Variants in WAC observed in about 807,000 individuals in gnomAD.
WAC encodes WW domain containing adaptor with coiled-coil.
In WAC, 11 loss-of-function variants were observed where a neutral mutation model predicts 79.6. The ratio of observed to expected loss-of-function variants is 0.14; its 90% confidence interval spans 0.09 to 0.23. The LOEUF (loss-of-function observed/expected upper bound fraction) is 0.23, where lower values mean the gene tolerates loss of function less well. Ranked by LOEUF, WAC falls within the 10% of genes least tolerant of loss-of-function variation. The probability of loss-of-function intolerance (pLI) is 1.00; values close to 1 mark genes in which losing one functional copy is unlikely to be tolerated. For missense variants in WAC, 728 were observed against 773.5 expected (o/e 0.94, Z 0.70); for synonymous variants, 304 against 276.9 (o/e 1.10, Z -0.97).
chr10:28,534,191 C>T lies in WAC; in HGVS notation c.78+157C>T, dbSNP rs763680832. The T allele has an allele frequency of 5.7e-5, 38 of 667,032 alleles. No homozygotes were observed. The South Asian group carries it at 7.3e-4, about 13-fold the overall frequency. The allele number at this position is 667,032 out of a possible 1,614,324, so 41.3% of individuals were successfully genotyped here. On this transcript the variant is annotated intron_variant, in intron 2 of 13. Transcript: ENST00000354911. ...TCCCCTTAAAATTCCAGGTTTGGTT[C>T]CTTTAGCGCTCTCCAGCAAGGTTTA...
chr10:28,532,819 G>C (rs1589108196), upstream of WAC: 1 of 152,982 alleles, frequency 6.5e-6, no homozygotes, highest in Non-Finnish European at 1.5e-5. Flanking sequence ...GTCCTCTTCC[G>C]GAAGGCGGCT....
At chr10:28,561,523 G>C (rs907616887) in intron 3 of WAC, among the ~76,000 whole-genome samples, 2 of 151,790 alleles carry the variant, frequency 1.3e-5, no homozygotes, top group African/African-American at 4.8e-5. Flanking sequence ...TGGCATAAAC[G>C]ATTTACATTA....
In WAC at chr10:28,590,713, T is replaced by A; in HGVS notation, c.498-7T>A. On this transcript the variant is annotated splice_polypyrimidine_tract_variant and splice_region_variant and intron_variant, in intron 5 of 13. Coordinates refer to ENST00000354911, the MANE Select transcript of WAC (RefSeq NM_016628.5). ...TTTTATATGTTTATCTTTTTTTTTA[T>A]TTTTAGAGAACAGAGACAAAAAGAA... The A allele has an allele frequency of 6.3e-7, 1 of 1,577,212 alleles. No homozygotes were observed. Among genetic ancestry groups the A allele is most frequent in the Non-Finnish European group, 8.6e-7 (1 of 1,163,366 alleles).
chr10:28,619,453 TAA>T, intron 13 of WAC, 82 bp from the exon 14 acceptor site: 1 of 1,030,172 alleles, frequency 9.7e-7, no homozygotes, highest in Non-Finnish European at 1.4e-6. Flanking sequence ...TGTTTTAATT[TAA>T]AAAATTTTAA....
intron 4 of WAC, 37 bp downstream of exon 4, chr10:28,583,542 GA>G (rs1437767288): frequency 9.1e-7 from 1 of 1,103,712 alleles, no homozygotes; most frequent in Non-Finnish European, 1.2e-6. Flanking sequence ...GGTTTCTTTG[GA>G]ATTTTTTGCA....
chr10:28,561,647 C>T (rs776692143), intron 3 of WAC, among the ~76,000 whole-genome samples: 1 of 151,964 alleles, frequency 6.6e-6, no homozygotes, highest in Non-Finnish European at 1.5e-5. Flanking sequence ...TTTTGAAACC[C>T]CGGCGTCTTT....
intron 3 of WAC, among the ~76,000 whole-genome samples, chr10:28,561,827 C>T (rs1838314273): frequency 6.6e-6 from 1 of 152,142 alleles, no homozygotes; most frequent in Non-Finnish European, 1.5e-5. Flanking sequence ...GTGAACTGTG[C>T]ATGCGAGGAA....
chr10:28,585,081 A>C (rs1177484641), intron 4 of WAC, among the ~76,000 whole-genome samples: 1 of 152,112 alleles, frequency 6.6e-6, no homozygotes, highest in Non-Finnish European at 1.5e-5. Flanking sequence ...AGAAAAGAAA[A>C]TCATGTTAAT....
At chr10:28,572,337 CAAAAA>C (rs535940157) in intron 3 of WAC, among the ~76,000 whole-genome samples, 1 of 86,862 alleles carries the variant, frequency 1.2e-5, no homozygotes. Flanking sequence ...ACTCTGTCTC[CAAAAA>C]AAAAAAAAAA....
rs1057285609 is a variant in WAC, at chr10:28,621,870, T to C, written c.*2264T>C. The C allele has an allele frequency of 1.3e-5, 2 of 152,224 alleles. No individual in the cohort carries two copies. The highest frequency in any genetic ancestry group is 3.8e-4 in the East Asian group (2 of 5,200). 9.4% of individuals were successfully genotyped at this position (152,224 alleles called of 1,614,324 possible). A position where few individuals can be genotyped will look rare whatever the true frequency, so the allele number is the denominator to read the frequency against. On this transcript the variant is annotated 3_prime_UTR_variant, in exon 14 of 14. Coordinates refer to ENST00000354911, the MANE Select transcript of WAC (RefSeq NM_016628.5). ...GAGAAGATGCCTAATTTGGTATTTC[T>C]TAATAGTGAATTTTTTTTTTTCTTG...
intron 9 of WAC, 184 bp from the exon 10 acceptor site, chr10:28,611,590 C>CT: frequency 8.1e-7 from 1 of 1,239,070 alleles, no homozygotes; most frequent in South Asian, 1.6e-5. Flanking sequence ...ACACAGCTCA[C>CT]TTAGTCAGTG....
intron 3 of WAC, among the ~76,000 whole-genome samples, chr10:28,559,042 C>A (rs1332404462): frequency 6.6e-6 from 1 of 151,684 alleles, no homozygotes; most frequent in Non-Finnish European, 1.5e-5. Flanking sequence ...AGACACTTAA[C>A]GTAGTACGTA....
chr10:28,560,293 A>G (rs981676350), intron 3 of WAC, among the ~76,000 whole-genome samples: 1 of 152,160 alleles, frequency 6.6e-6, no homozygotes, highest in African/African-American at 2.4e-5. Flanking sequence ...GCTTGAGACT[A>G]GGAGGTCTAG....
intron 3 of WAC, among the ~76,000 whole-genome samples, chr10:28,571,197 T>C (rs1381222340): frequency 2.6e-5 from 4 of 152,136 alleles, no homozygotes; most frequent in Non-Finnish European, 2.9e-5. Flanking sequence ...CCCAGAGTGC[T>C]GGAATTACAG....
chr10:28,586,526 T>C (rs1392513570), intron 4 of WAC, among the ~76,000 whole-genome samples: 3 of 151,496 alleles, frequency 2.0e-5, no homozygotes, highest in African/African-American at 7.3e-5. Flanking sequence ...AAAATAAAAA[T>C]AAAAAAATAA....
At chr10:28,589,470 C>A (rs1239797861) in intron 4 of WAC, 1 of 200,076 alleles carries the variant, frequency 5.0e-6, no homozygotes, top group Non-Finnish European at 1.0e-5. Flanking sequence ...TTTCTAAAAT[C>A]AAGGTGATGT....
chr10:28,568,630 G>A (rs762391679), intron 3 of WAC, among the ~76,000 whole-genome samples: 11 of 152,034 alleles, frequency 7.2e-5, no homozygotes, highest in Non-Finnish European at 1.3e-4. Flanking sequence ...TTCCATCATG[G>A]TGTGCTGCAC....
rs554390737 is a variant in WAC at position 28,609,298 on chromosome 10, G to A, written c.1165+867G>A. Among the ~76,000 whole-genome samples, 53 of 152,300 alleles carry A rather than the reference G, an allele frequency of 3.5e-4. No homozygotes were observed. In the East Asian group the frequency reaches 6.8e-3, roughly 19 times the overall value. ...GAATCGCTTGAACCCAGGAGACGGA[G>A]GTTGCAGTGAGCTGAGATGGTGCCT... On this transcript the variant is annotated intron_variant, in intron 8 of 13. Transcript: ENST00000354911.
Position 28,533,160 on chromosome 10 carries a change from A to G in WAC, c.-420A>G, listed in dbSNP as rs569195842. Among the ~76,000 whole-genome samples, 563 of 149,538 alleles carry G rather than the reference A, an allele frequency of 3.8e-3. 4 individuals are homozygous for G. The highest frequency in any genetic ancestry group is 0.011 in the Middle Eastern group (3 of 268). On this transcript the variant is annotated 5_prime_UTR_variant, in exon 1 of 14. Coordinates refer to ENST00000354911, the MANE Select transcript of WAC (RefSeq NM_016628.5). Reference sequence around the variant, plus strand: ...TTGGTGGAGCGGCAGCGGCGGCACCAGCGGCGGCGGCGGCGGCGGGAGGAG... The same window carrying G: ...TTGGTGGAGCGGCAGCGGCGGCACCGGCGGCGGCGGCGGCGGCGGGAGGAG...
Sources: gnomAD v4.1 joint callset for allele counts (sites outside exome capture counted in the v4.1 genomes callset) on GRCh38, gnomAD v4.1.1 for gene constraint, MANE v1.5 for transcripts, NCBI Gene and HGNC (gene_info 2026-07-23, HGNC 2026-07-21) for gene names.